The following PCDHGB4 variants were observed in gnomAD, a reference collection of about 807,000 sequenced individuals.
PCDHGB4 encodes protocadherin gamma-B4.
A neutral mutation model predicts 60.5 loss-of-function variants in PCDHGB4; 38 were observed. The observed-to-expected ratio is 0.63, with a 90% CI of 0.48 to 0.82. The LOEUF (loss-of-function observed/expected upper bound fraction) is 0.82. Among genes scored for constraint, PCDHGB4 ranks in the 40% least tolerant of loss-of-function variants. PCDHGB4 has a pLI of 0.00. For missense variants in PCDHGB4, 1,109 were observed against 1,209.6 expected, an observed-to-expected ratio of 0.92 and a Z score of 1.23; for synonymous variants, 456 against 509.7, an observed-to-expected ratio of 0.89 and a Z score of 1.42.
chr5:141,426,375 G>A, intron 1 of PCDHGB4: 2 of 216,424 alleles, frequency 9.2e-6, no homozygotes, highest in South Asian at 7.8e-5. Flanking sequence ...GGGCACCCTC[G>A]GAGCAGATCC....
intron 1 of PCDHGB4, among the ~76,000 whole-genome samples, chr5:141,430,226 T>C (rs1331325242): frequency 6.9e-6 from 1 of 144,216 alleles, no homozygotes; most frequent in Admixed American, 7.0e-5. Context: ...ATATGATTTG[T>C]CAAAAAGAGA....
chr5:141,477,884 G>A lies in PCDHGB4; in HGVS notation c.2398-16923G>A. On this transcript the variant is annotated intron_variant, in intron 1 of 3. Transcript: ENST00000519479. The surrounding 1 kb of genome is among the most constrained non-coding windows in gnomAD (Gnocchi z 4.9). ...TCGAGGTACCTCAGCTGGCCACCTA[G>A]TGTCACGGGTGGTAGGCTGGGACGC... 6.2e-7 allele frequency: 1 copy of A among 1,614,190 alleles called. No homozygotes were observed. The highest frequency in any genetic ancestry group is 8.5e-7 in the Non-Finnish European group (1 of 1,180,036).
intron 1 of PCDHGB4, chr5:141,412,995 T>G: frequency 1.7e-6 from 1 of 572,718 alleles, no homozygotes. Flanking sequence ...TCAATCCGGA[T>G]TCTCAGGGCT....
intron 1 of PCDHGB4, chr5:141,403,589 A>G (rs1447316737): frequency 1.2e-6 from 2 of 1,613,812 alleles, no homozygotes; most frequent in East Asian, 2.2e-5. Context: ...CCTGGTCCTC[A>G]CGGCCTCGGA....
At chr5:141,419,922 T>C (rs761868361) in intron 1 of PCDHGB4, 1 of 1,614,090 alleles carries the variant, frequency 6.2e-7, no homozygotes, top group South Asian at 1.1e-5. Flanking sequence ...CAGGCTGAGA[T>C]GCAGTTTTAC....
Position 141,505,474 on chromosome 5 carries a change from C to T in PCDHGB4, c.2538C>T (p.Ser846=), listed in dbSNP as rs751690779. The stretch of plus-strand genomic sequence containing the variant: ...TGCTGCAAGCCATGATCTTGGCGTC[C>T]GCCAGTGGTAAGTGGTGTCAGTGTG... ...TEMLQAMILA[S]ASEAADGSST... Residue 846 remains serine, a synonymous_variant, in exon 3 of 4, where the codon TCC becomes TCT. Transcript: ENST00000519479. 2.2e-5 allele frequency: 36 copies of T among 1,614,090 alleles called. No individual in the cohort carries two copies. The highest frequency in any genetic ancestry group is 5.3e-5 in the African/African-American group (4 of 74,934).
chr5:141,440,328 T>G (rs1311315077), intron 1 of PCDHGB4: 1 of 152,102 alleles, frequency 6.6e-6, no homozygotes. Context: ...TTACTGGGCA[T>G]GGTGGTGCAG....
At chr5:141,427,352 G>A (rs982774903) in intron 1 of PCDHGB4, 3 of 457,474 alleles carry the variant, frequency 6.6e-6, no homozygotes, top group African/African-American at 6.0e-5. Flanking sequence ...CTGTAACTGA[G>A]GACGCAGAAC....
chr5:141,413,838 G>A, intron 1 of PCDHGB4: 1 of 1,613,284 alleles, frequency 6.2e-7, no homozygotes, highest in Non-Finnish European at 8.5e-7. Context: ...CCTCCGACGG[G>A]GGTGACCCTC....
chr5:141,398,040 C>T (rs569692941), intron 1 of PCDHGB4: 5 of 1,485,976 alleles, frequency 3.4e-6, no homozygotes, highest in East Asian at 4.8e-5. Context: ...AACTAAAGCC[C>T]GTTCGGAGAT....
chr5:141,393,745 A>T, intron 1 of PCDHGB4: 1 of 1,613,898 alleles, frequency 6.2e-7, no homozygotes. Context: ...GATTATGAAG[A>T]ATGTTCATTT....
Position 141,398,900 on chromosome 5 carries a change from G to A in PCDHGB4, c.2397+8619G>A, listed in dbSNP as rs765284630. Reference sequence around the variant, plus strand: ...AGCCTTCGGGAAAACGTGCCACCAGGCACCACTGTGTTGCAAGTGTCAGCC... The same window carrying A: ...AGCCTTCGGGAAAACGTGCCACCAGACACCACTGTGTTGCAAGTGTCAGCC... On this transcript the variant is annotated intron_variant, in intron 1 of 3. Coordinates refer to ENST00000519479, the MANE Select transcript of PCDHGB4 (RefSeq NM_003736.4). The A allele has an allele frequency of 3.1e-6, 5 of 1,613,846 alleles. No individual in the cohort carries two copies. In the East Asian group the frequency reaches 6.7e-5, roughly 22 times the overall value.
intron 1 of PCDHGB4, chr5:141,390,565 G>T: frequency 4.8e-6 from 2 of 420,818 alleles, no homozygotes. Context: ...ACAGTTGTTG[G>T]CTCTCTCCTA....
chr5:141,423,880 G>C, intron 1 of PCDHGB4: 1 of 1,282,292 alleles, frequency 7.8e-7, no homozygotes, highest in Non-Finnish European at 9.9e-7. Context: ...TTTCAATCTT[G>C]GCATATTTTC....
chr5:141,409,328 T>A, intron 1 of PCDHGB4: 3 of 1,613,926 alleles, frequency 1.9e-6, no homozygotes, highest in Non-Finnish European at 2.5e-6. Context: ...GGATCTGGAT[T>A]TCGGAGGAAA....
chr5:141,437,800 C>G (rs963856257), intron 1 of PCDHGB4, among the ~76,000 whole-genome samples: 1 of 150,744 alleles, frequency 6.6e-6, no homozygotes, highest in African/African-American at 2.4e-5. Flanking sequence ...TGCAGTGGCA[C>G]TATCTTGGCT....
chr5:141,394,012 A>C lies in PCDHGB4; in HGVS notation c.2397+3731A>C, dbSNP rs756847755. ...TTTAAATTAGAAAAGTCAATAGGTA[A>C]TTATTATAGATTAGTGACAAGGAAA... On this transcript the variant is annotated intron_variant, in intron 1 of 3. Coordinates refer to ENST00000519479, the MANE Select transcript of PCDHGB4 (RefSeq NM_003736.4). The C allele has an allele frequency of 2.6e-5, 42 of 1,613,288 alleles. No individual in the cohort carries two copies. Among genetic ancestry groups the C allele is most frequent in the Non-Finnish European group, 3.4e-5 (40 of 1,179,552 alleles).
intron 1 of PCDHGB4, among the ~76,000 whole-genome samples, chr5:141,438,002 A>G (rs200179547): frequency 1.3e-5 from 2 of 152,072 alleles, no homozygotes; most frequent in East Asian, 1.9e-4. Flanking sequence ...CAGCCTCCCA[A>G]ATAGCTGAGA....
chr5:141,489,210 G>C lies in PCDHGB4; in HGVS notation c.2398-5597G>C. ...TCTACCTTGGAGACAGGACAGCACA[G>C]ACTTACTCTCCACAAAGGGACTTCT... On this transcript the variant is annotated intron_variant, in intron 1 of 3. Coordinates refer to ENST00000519479, the MANE Select transcript of PCDHGB4 (RefSeq NM_003736.4). This position sits in a 1 kb window ranked among gnomAD's most constrained non-coding sequence, Gnocchi z 4.5. 6.8e-7 allele frequency: 1 copy of C among 1,461,860 alleles called. No individual in the cohort carries two copies. Among genetic ancestry groups the C allele is most frequent in the African/African-American group, 1.4e-5 (1 of 70,802 alleles). 90.6% of individuals were successfully genotyped at this position (1,461,860 alleles called of 1,614,324 possible).
Sources: gnomAD v4.1 joint callset for allele counts (sites outside exome capture counted in the v4.1 genomes callset) on GRCh38, gnomAD v4.1.1 for gene constraint, Gnocchi (gnomAD v3.1) non-coding constraint, MANE v1.5 for transcripts, NCBI Gene and HGNC (gene_info 2026-07-23, HGNC 2026-07-21) for gene names.